DHRS9: variants seen among roughly 807,000 people sequenced by gnomAD.
DHRS9 encodes dehydrogenase/reductase SDR family member 9.
In DHRS9, 18 loss-of-function variants were observed where a neutral mutation model predicts 26.6. The ratio of observed to expected loss-of-function variants is 0.68; its 90% confidence interval spans 0.47 to 1.00. DHRS9 has a LOEUF of 1.00. Ranked by LOEUF, DHRS9 falls within the 50% of genes least tolerant of loss-of-function variation. The pLI, the probability that DHRS9 is intolerant of heterozygous loss-of-function variation, is 0.00. For synonymous variants in DHRS9, 134 were observed against 141.1 expected (o/e 0.95, Z 0.36); for missense variants, 425 against 378.7 (o/e 1.12, Z -1.01).
chr2:169,069,593 C>T lies in DHRS9; in HGVS notation c.-184C>T, dbSNP rs868721178. 2.7e-5 allele frequency: 27 copies of T among 985,288 alleles called. No homozygotes were observed. The highest frequency in any genetic ancestry group is 6.1e-5 in the Admixed American group (1 of 16,264). The allele number at this position is 985,288 out of a possible 1,614,324, so 61.0% of individuals were successfully genotyped here. A position where few individuals can be genotyped will look rare whatever the true frequency, so the allele number is the denominator to read the frequency against. On this transcript the variant is annotated 5_prime_UTR_variant, in exon 1 of 5. Transcript: ENST00000674881. ...GAGCTCTACGGAAACCCAGGCACCT[C>T]GACCTCAAGAGGATCAGCCTGGCCA...
chr2:169,090,573 A>G (rs1684489892), intron 3 of DHRS9, among the ~76,000 whole-genome samples: 1 of 152,224 alleles, frequency 6.6e-6, no homozygotes, highest in Admixed American at 6.5e-5. Context: ...CCTAAGAAAA[A>G]ATAAATTACA....
chr2:169,090,681 T>C (rs1210362395), intron 3 of DHRS9, among the ~76,000 whole-genome samples: 3 of 152,156 alleles, frequency 2.0e-5, no homozygotes, highest in Non-Finnish European at 4.4e-5. Flanking sequence ...GGTAGGAAAA[T>C]AAATCAAATT....
intron 1 of DHRS9, among the ~76,000 whole-genome samples, chr2:169,079,008 C>T (rs1684059277): frequency 2.0e-5 from 3 of 151,642 alleles, no homozygotes; most frequent in Admixed American, 6.6e-5. Context: ...CCACCACACC[C>T]AGCTAATTTT....
upstream of DHRS9, chr2:169,069,458 T>C: frequency 1.0e-6 from 1 of 985,468 alleles, no homozygotes; most frequent in Non-Finnish European, 1.2e-6. Flanking sequence ...TACAGCTTCT[T>C]GGCTTTTATG....
In DHRS9 at chr2:169,096,053, T is replaced by TG; in HGVS notation, c.*286_*287insG. On this transcript the variant is annotated 3_prime_UTR_variant, in exon 5 of 5. Coordinates refer to ENST00000674881, the MANE Select transcript of DHRS9 (RefSeq NM_001376924.1). ...TAAGGGAAATTGAAAGACTTGCCCATTCAAAATGATCTTTACCGTGGCCTG... is the reference window on the plus strand; with the variant it reads ...TAAGGGAAATTGAAAGACTTGCCCATGTCAAAATGATCTTTACCGTGGCCTG... The TG allele has an allele frequency of 2.3e-6, 1 of 429,460 alleles. No homozygotes were observed. Among genetic ancestry groups the TG allele is most frequent in the South Asian group, 3.0e-5 (1 of 33,616 alleles). 26.6% of individuals were successfully genotyped at this position (429,460 alleles called of 1,614,324 possible). A position where few individuals can be genotyped will look rare whatever the true frequency, so the allele number is the denominator to read the frequency against.
chr2:169,092,095 AT>A (rs1310120318), intron 4 of DHRS9, 142 bp downstream of exon 4: 1 of 972,168 alleles, frequency 1.0e-6, no homozygotes, highest in Non-Finnish European at 1.5e-6. Flanking sequence ...TCTCCTATTA[AT>A]TTCAGTGTCA....
chr2:169,087,643 G>A (rs530377847), intron 3 of DHRS9, among the ~76,000 whole-genome samples: 7 of 151,382 alleles, frequency 4.6e-5, no homozygotes, highest in African/African-American at 1.7e-4. Flanking sequence ...AAGGCCCATG[G>A]TGAGTACCTT....
chr2:169,069,422 G>T (rs1264389434), upstream of DHRS9: 1 of 985,252 alleles, frequency 1.0e-6, no homozygotes, highest in Non-Finnish European at 1.2e-6. Context: ...AATTTATACT[G>T]CTGATTCCTT....
chr2:169,082,727 C>A (rs985965586), intron 2 of DHRS9, among the ~76,000 whole-genome samples: 2 of 152,168 alleles, frequency 1.3e-5, no homozygotes, highest in African/African-American at 4.8e-5. Flanking sequence ...TGATATCACT[C>A]TTTGTCCATA....
intron 1 of DHRS9, among the ~76,000 whole-genome samples, chr2:169,080,075 T>C (rs1684137350): frequency 6.6e-6 from 1 of 151,054 alleles, no homozygotes; most frequent in South Asian, 2.1e-4. Context: ...GTCTATAAAC[T>C]CGCTTGGCCT....
intron 1 of DHRS9, among the ~76,000 whole-genome samples, chr2:169,080,833 T>C (rs1246002492): frequency 1.3e-5 from 2 of 152,158 alleles, no homozygotes; most frequent in Non-Finnish European, 2.9e-5. Context: ...TGGGACATGG[T>C]GCATTGGCCA....
chr2:169,073,203 A>T (rs1174878553), intron 1 of DHRS9, among the ~76,000 whole-genome samples: 1 of 152,212 alleles, frequency 6.6e-6, no homozygotes, highest in Non-Finnish European at 1.5e-5. Flanking sequence ...GTATATGCAG[A>T]GCCCAGAGTT....
intron 3 of DHRS9, among the ~76,000 whole-genome samples, chr2:169,086,939 T>C (rs1336344390): frequency 6.6e-6 from 1 of 152,204 alleles, no homozygotes; most frequent in Non-Finnish European, 1.5e-5. Flanking sequence ...GGGACTGCAC[T>C]GAGTCAGACC....
chr2:169,075,756 G>A (rs890100585), intron 1 of DHRS9, among the ~76,000 whole-genome samples: 178 of 152,198 alleles, frequency 1.2e-3, no homozygotes, highest in African/African-American at 4.2e-3. Context: ...ACTGGAAGAT[G>A]TTTCCCCATG....
intron 3 of DHRS9, 142 bp from the exon 4 acceptor site, chr2:169,091,648 A>T: frequency 1.1e-6 from 1 of 941,322 alleles, no homozygotes; most frequent in Non-Finnish European, 1.6e-6. Flanking sequence ...GCAAAATGAA[A>T]GGGAGAGAGA....
chr2:169,072,483 T>C, intron 1 of DHRS9: 1 of 465,028 alleles, frequency 2.2e-6, no homozygotes, highest in Non-Finnish European at 2.8e-6. Context: ...TTTCTGTTCT[T>C]TTTTTTAAAC....
chr2:169,075,226 A>G (rs1050285542), intron 1 of DHRS9, among the ~76,000 whole-genome samples: 7 of 152,200 alleles, frequency 4.6e-5, no homozygotes, highest in African/African-American at 1.7e-4. Flanking sequence ...CAAATTTTTA[A>G]CTTTTTATTC....
intron 2 of DHRS9, 83 bp downstream of exon 2, chr2:169,081,977 T>A: frequency 7.4e-7 from 1 of 1,354,352 alleles, no homozygotes; most frequent in South Asian, 1.5e-5. Flanking sequence ...TGCTCAAGTT[T>A]TAAATGGCCT....
rs887267186 is a variant in DHRS9, at chr2:169,074,574, A to G, written c.-60+4857A>G. 2.4e-4 allele frequency: 96 copies of G among 395,472 alleles called. 1 individual carries two copies. Among genetic ancestry groups the G allele is most frequent in the African/African-American group, 1.9e-3 (89 of 45,930 alleles). The allele number at this position is 395,472 out of a possible 1,614,324, so 24.5% of individuals were successfully genotyped here. A position where few individuals can be genotyped will look rare whatever the true frequency, so the allele number is the denominator to read the frequency against. On this transcript the variant is annotated intron_variant, in intron 1 of 4. Coordinates refer to ENST00000674881, the MANE Select transcript of DHRS9 (RefSeq NM_001376924.1). Reference sequence around the variant, plus strand: ...CCCTATTAGCCTTTTAGTTGCTGTTACTAATTTATTTCTCAGTGGTCAATG... The same window carrying G: ...CCCTATTAGCCTTTTAGTTGCTGTTGCTAATTTATTTCTCAGTGGTCAATG...
Sources: gnomAD v4.1 joint callset for allele counts (sites outside exome capture counted in the v4.1 genomes callset) on GRCh38, gnomAD v4.1.1 for gene constraint, MANE v1.5 for transcripts, NCBI Gene and HGNC (gene_info 2026-07-23, HGNC 2026-07-21) for gene names.